The following DLGAP2 variants were observed in gnomAD, a reference collection of about 807,000 sequenced individuals.
DLGAP2 encodes the protein disks large-associated protein 2.
In DLGAP2, 26 loss-of-function variants were observed where a neutral mutation model predicts 100.3. The observed-to-expected ratio is 0.26, with a 90% CI of 0.19 to 0.36. The LOEUF is 0.36. Among genes scored for constraint, DLGAP2 ranks in the 10% least tolerant of loss-of-function variants. The pLI, the probability that DLGAP2 is intolerant of heterozygous loss-of-function variation, is 1.00. For missense variants in DLGAP2, 1,858 were observed against 1,453.2 expected (o/e 1.28, Z -4.53); for synonymous variants, 886 against 630.1 (o/e 1.41, Z -6.08).
chr8:1,053,602 C>T (rs995273002), intron 2 of DLGAP2, among the ~76,000 whole-genome samples: 2 of 152,104 alleles, frequency 1.3e-5, no homozygotes, highest in East Asian at 1.9e-4. Flanking sequence ...AGCAGAGGCC[C>T]GATAACTGCG....
intron 6 of DLGAP2, among the ~76,000 whole-genome samples, chr8:1,597,793 A>G (rs1217463471): frequency 1.3e-5 from 2 of 152,216 alleles, no homozygotes; most frequent in African/African-American, 4.8e-5. Flanking sequence ...TTTTCTACAT[A>G]TACAATCATG....
chr8:1,640,823 G>T (rs1009472130), intron 8 of DLGAP2, among the ~76,000 whole-genome samples: 8 of 152,222 alleles, frequency 5.3e-5, no homozygotes, highest in Non-Finnish European at 2.9e-5. Flanking sequence ...ATGCAGTCCA[G>T]ATACCTAAAA....
chr8:1,569,166 G>C (rs1859680), intron 6 of DLGAP2, among the ~76,000 whole-genome samples: 69,038 of 147,636 alleles, frequency 0.47, 16,106 homozygotes, highest in Middle Eastern at 0.59. Flanking sequence ...TGCCCACTCA[G>C]CAGACACAAA....
chr8:854,934 G>A (rs1309876306), intron 1 of DLGAP2, among the ~76,000 whole-genome samples: 1 of 152,234 alleles, frequency 6.6e-6, no homozygotes, highest in Non-Finnish European at 1.5e-5. Context: ...TGGAAAGGTG[G>A]TGCTGGCAGC....
At chr8:799,636 AC>A (rs1796107482) in intron 1 of DLGAP2, among the ~76,000 whole-genome samples, 1 of 152,190 alleles carries the variant, frequency 6.6e-6, no homozygotes, top group Non-Finnish European at 1.5e-5. Context: ...GGTCTCTGTC[AC>A]CCAGGCTGGA....
chr8:1,552,629 C>T (rs915115599), intron 5 of DLGAP2, among the ~76,000 whole-genome samples: 2 of 152,192 alleles, frequency 1.3e-5, no homozygotes, highest in African/African-American at 4.8e-5. Flanking sequence ...ATTTCGCAGC[C>T]AGGAAACAGG....
intron 2 of DLGAP2, among the ~76,000 whole-genome samples, chr8:1,254,838 T>G (rs1395139570): frequency 8.1e-6 from 1 of 123,830 alleles, no homozygotes; most frequent in Non-Finnish European, 1.8e-5. Context: ...TCCTGACTTT[T>G]CCTCCGTGGG....
chr8:1,575,455 T>TTTATTATTA (rs56350882), intron 6 of DLGAP2, among the ~76,000 whole-genome samples: 7,630 of 141,146 alleles, frequency 0.054, 247 homozygotes, highest in Middle Eastern at 0.073. Flanking sequence ...GAGGATATTC[T>TTTATTATTA]TTATTATTAT....
chr8:1,656,369 C>T (rs1184174366), intron 8 of DLGAP2, among the ~76,000 whole-genome samples: 2 of 152,004 alleles, frequency 1.3e-5, no homozygotes, highest in East Asian at 1.9e-4. Flanking sequence ...TTGGTCAGGG[C>T]AGTCTAGAAA....
rs1357597453 is a variant in DLGAP2 at position 1,176,510 on chromosome 8, G to C, written c.74-82341G>C. ...TTACAGCCAGAAGGAACTACACTTGGAGATCCTGCCCTCACAGCCGCCCTG... is the reference window on the plus strand; with the variant it reads ...TTACAGCCAGAAGGAACTACACTTGCAGATCCTGCCCTCACAGCCGCCCTG... On this transcript the variant is annotated intron_variant, in intron 2 of 14. Coordinates refer to ENST00000637795, the MANE Select transcript of DLGAP2 (RefSeq NM_001346810.2). Among the ~76,000 whole-genome samples, 3 of 152,132 alleles carry C rather than the reference G, an allele frequency of 2.0e-5. No homozygotes were observed. The East Asian group carries it at 5.8e-4, about 29-fold the overall frequency.
At chr8:1,319,863 A>C (rs1800855035) in intron 3 of DLGAP2, among the ~76,000 whole-genome samples, 1 of 152,200 alleles carries the variant, frequency 6.6e-6, no homozygotes, top group African/African-American at 2.4e-5. Context: ...TGCAGTCAGC[A>C]TGGAAAACCA....
rs181786757 is a variant in DLGAP2, at chr8:1,191,153, G to T, written c.74-67698G>T. 4.0e-5 allele frequency among the ~76,000 whole-genome samples: 6 copies of T among 151,118 alleles called. No individual in the cohort carries two copies. The East Asian group carries it at 1.2e-3, about 30-fold the overall frequency. The stretch of plus-strand genomic sequence containing the variant: ...GTGAATAAATTTCTTGTAACTAAGT[G>T]TTTCAATATAAGTAGATACATTTTT... On this transcript the variant is annotated intron_variant, in intron 2 of 14. Transcript: ENST00000637795.
chr8:1,553,780 C>T (rs189313030), intron 5 of DLGAP2, among the ~76,000 whole-genome samples: 1 of 152,178 alleles, frequency 6.6e-6, no homozygotes, highest in Non-Finnish European at 1.5e-5. Flanking sequence ...ATTCTCTGAA[C>T]GACGTGTCTG....
intron 3 of DLGAP2, among the ~76,000 whole-genome samples, chr8:1,274,732 T>G (rs938269599): frequency 7.5e-6 from 1 of 133,158 alleles, no homozygotes; most frequent in Non-Finnish European, 1.5e-5. Flanking sequence ...TTTGCCGTAA[T>G]TGTGGTCAAG....
intron 3 of DLGAP2, among the ~76,000 whole-genome samples, chr8:1,473,128 A>T (rs1798845158): frequency 6.6e-6 from 1 of 152,100 alleles, no homozygotes; most frequent in Admixed American, 6.6e-5. Flanking sequence ...ACAGCATTTC[A>T]CCATGTTGGC....
intron 2 of DLGAP2, among the ~76,000 whole-genome samples, chr8:987,021 A>C (rs1274198198): frequency 1.3e-5 from 2 of 152,164 alleles, no homozygotes; most frequent in Non-Finnish European, 2.9e-5. Context: ...GAGGAAGTAA[A>C]AATCATGGAG....
chr8:919,721 G>T (rs1403104244), intron 2 of DLGAP2, among the ~76,000 whole-genome samples: 4 of 152,252 alleles, frequency 2.6e-5, no homozygotes, highest in Admixed American at 6.5e-5. Context: ...CCTGCATGGG[G>T]TGTGAGCTGC....
chr8:1,384,025 G>T (rs1445356452), intron 3 of DLGAP2, among the ~76,000 whole-genome samples: 3 of 152,194 alleles, frequency 2.0e-5, no homozygotes, highest in Non-Finnish European at 4.4e-5. Context: ...ACCCCAACAA[G>T]AAAGGGGTTT....
chr8:1,159,451 T>C (rs1197564848), intron 2 of DLGAP2, among the ~76,000 whole-genome samples: 2 of 152,220 alleles, frequency 1.3e-5, no homozygotes, highest in African/African-American at 4.8e-5. Context: ...ATGTCGACAA[T>C]TAATACGCAG....
Sources: gnomAD v4.1 joint callset for allele counts (sites outside exome capture counted in the v4.1 genomes callset) on GRCh38, gnomAD v4.1.1 for gene constraint, MANE v1.5 for transcripts, NCBI Gene and HGNC (gene_info 2026-07-23, HGNC 2026-07-21) for gene names.